Variants in GRM1 observed in about 807,000 individuals in gnomAD.
The protein encoded by GRM1 is metabotropic glutamate receptor 1.
A neutral mutation model predicts 90.9 loss-of-function variants in GRM1; 33 were observed. That is an observed-to-expected ratio of 0.36 (90% CI 0.28 to 0.49). The LOEUF (loss-of-function observed/expected upper bound fraction) is 0.49, where lower values mean the gene tolerates loss of function less well. Among genes scored for constraint, GRM1 ranks in the 20% least tolerant of loss-of-function variants. GRM1 has a pLI of 0.99. For missense variants in GRM1, 1,190 were observed against 1,534.3 expected (o/e 0.78, Z 3.75); for synonymous variants, 700 against 613.2 (o/e 1.14, Z -2.09).
rs371140345 is a variant in GRM1, at chr6:146,427,462, A to AT, written c.2661-6409dup. On this transcript the variant is annotated intron_variant, in intron 7 of 7. Transcript: ENST00000282753. ...TCCTGCAGCAGGAGGGAGCCCACTG[A>AT]TGAGGTGTCTGTGGCTTGAATAGCT... Among the ~76,000 whole-genome samples, 493 of 152,188 alleles carry AT rather than the reference A, an allele frequency of 3.2e-3. 1 individual carries two copies. Among genetic ancestry groups the AT allele is most frequent in the African/African-American group, 0.011 (451 of 41,532 alleles).
intron 2 of GRM1, among the ~76,000 whole-genome samples, chr6:146,264,245 C>T (rs549395794): frequency 1.6e-4 from 25 of 152,108 alleles, no homozygotes; most frequent in African/African-American, 4.1e-4. Context: ...AGAAATCAAA[C>T]GGTGTTTTCA....
chr6:146,184,739 G>T (rs776024787), intron 2 of GRM1, among the ~76,000 whole-genome samples: 81 of 152,210 alleles, frequency 5.3e-4, no homozygotes, highest in Non-Finnish European at 9.1e-4. Context: ...ATCATCTCAG[G>T]TGTGTGGGGC....
intron 6 of GRM1, among the ~76,000 whole-genome samples, chr6:146,390,119 T>C (rs1412779171): frequency 6.6e-6 from 1 of 152,084 alleles, no homozygotes. Flanking sequence ...TCATTCTTCT[T>C]TGAAAAATAG....
At chr6:146,386,810 T>C in intron 5 of GRM1, 80 bp from the exon 6 acceptor site, 2 of 1,087,238 alleles carry the variant, frequency 1.8e-6, no homozygotes, top group East Asian at 2.4e-5. Flanking sequence ...TTATTCATAA[T>C]CTGAAAACAA....
intron 1 of GRM1, among the ~76,000 whole-genome samples, chr6:146,107,853 T>A (rs1775379749): frequency 6.6e-6 from 1 of 152,196 alleles, no homozygotes; most frequent in African/African-American, 2.4e-5. Context: ...TAGTTCTCTC[T>A]TTTTGATTCT....
chr6:146,267,045 CT>C lies in GRM1; in HGVS notation c.951-37565del, dbSNP rs542869340. On this transcript the variant is annotated intron_variant, in intron 2 of 7. Coordinates refer to ENST00000282753, the MANE Select transcript of GRM1 (RefSeq NM_001278064.2). ...ATTCTTCCTGATGCTCTCCCTCCCC[CT>C]ACCCTCCAACAGGCCCCAATGTGTG... is the stretch of plus-strand genomic sequence containing the variant. Among the ~76,000 whole-genome samples the C allele has an allele frequency of 2.8e-4, 42 of 152,306 alleles. No homozygotes were observed. The South Asian group carries it at 7.9e-3, about 29-fold the overall frequency.
chr6:146,423,834 A>C (rs1157212666), intron 7 of GRM1, among the ~76,000 whole-genome samples: 1 of 152,200 alleles, frequency 6.6e-6, no homozygotes, highest in Non-Finnish European at 1.5e-5. Context: ...GTGCAAAATG[A>C]AAACACGGAG....
chr6:146,293,762 G>C lies in GRM1; in HGVS notation c.951-10849G>C, dbSNP rs535816247. ...TTTAGTGAGTACATTTTAAACTACT[G>C]ATTTCATTGTTAAATATACTATTGT... On this transcript the variant is annotated intron_variant, in intron 2 of 7. Transcript: ENST00000282753. Among the ~76,000 whole-genome samples the C allele has an allele frequency of 5.9e-5, 9 of 151,538 alleles. No individual in the cohort carries two copies. In the South Asian group the frequency reaches 1.9e-3, roughly 32 times the overall value.
intron 5 of GRM1, among the ~76,000 whole-genome samples, chr6:146,372,089 G>A (rs992932915): frequency 2.6e-5 from 4 of 152,092 alleles, no homozygotes; most frequent in Non-Finnish European, 5.9e-5. Context: ...CAGTGTACAA[G>A]GATTCCGTTT....
At chr6:146,027,972 G>C (rs191853149), upstream of GRM1, 1 of 152,400 alleles carries the variant, frequency 6.6e-6, no homozygotes, top group Non-Finnish European at 1.5e-5. Context: ...GGGACCAATG[G>C]GTGCCTGGGT....
At chr6:146,109,766 G>C (rs925260279) in intron 1 of GRM1, among the ~76,000 whole-genome samples, 5 of 152,204 alleles carry the variant, frequency 3.3e-5, no homozygotes, top group African/African-American at 9.7e-5. Flanking sequence ...ACCCTGCAAA[G>C]CTACAGGGGT....
At chr6:146,085,717 C>T (rs941436527) in intron 1 of GRM1, among the ~76,000 whole-genome samples, 3 of 152,132 alleles carry the variant, frequency 2.0e-5, no homozygotes. Flanking sequence ...GTATAAACCA[C>T]TGTTCTTTTC....
intron 6 of GRM1, among the ~76,000 whole-genome samples, chr6:146,397,050 G>A (rs936432289): frequency 2.0e-5 from 3 of 152,154 alleles, no homozygotes; most frequent in Admixed American, 6.6e-5. Context: ...ATGCGGGCAC[G>A]AGGGGGTCCA....
At chr6:146,367,239 C>G (rs1029899089) in intron 5 of GRM1, among the ~76,000 whole-genome samples, 1 of 152,076 alleles carries the variant, frequency 6.6e-6, no homozygotes. Context: ...TCTGGACTCT[C>G]TCGTCTGTTC....
intron 7 of GRM1, among the ~76,000 whole-genome samples, chr6:146,407,321 T>C (rs938550127): frequency 5.9e-5 from 9 of 152,218 alleles, no homozygotes; most frequent in Middle Eastern, 3.2e-3. Flanking sequence ...TCCTTGATTT[T>C]TCTCTTGCAA....
chr6:146,386,354 T>C (rs1219659860), intron 5 of GRM1, among the ~76,000 whole-genome samples: 1 of 152,112 alleles, frequency 6.6e-6, no homozygotes, highest in Non-Finnish European at 1.5e-5. Context: ...GGCAGGGCAA[T>C]ACTTGATTCT....
chr6:146,344,951 C>G (rs1457775478), intron 3 of GRM1, among the ~76,000 whole-genome samples: 1 of 152,010 alleles, frequency 6.6e-6, no homozygotes, highest in African/African-American at 2.4e-5. Flanking sequence ...AGCTGGGATT[C>G]CAGGCATGCC....
chr6:146,145,308 A>G (rs953331539), intron 1 of GRM1, among the ~76,000 whole-genome samples: 22 of 152,170 alleles, frequency 1.4e-4, no homozygotes, highest in Admixed American at 2.0e-4. Context: ...CCTCAGGACA[A>G]TGGAAGAAAG....
At chr6:146,101,821 A>G (rs930371568) in intron 1 of GRM1, among the ~76,000 whole-genome samples, 3 of 148,776 alleles carry the variant, frequency 2.0e-5, no homozygotes, top group Non-Finnish European at 4.5e-5. Flanking sequence ...ATAATTATAT[A>G]TTATTACTGT....
Sources: allele counts gnomAD v4.1 joint callset (sites outside exome capture counted in the v4.1 genomes callset), GRCh38; gene constraint gnomAD v4.1.1; transcripts MANE v1.5; gene names NCBI Gene and HGNC (gene_info 2026-07-23, HGNC 2026-07-21).